Variants in GPN3 observed in about 807,000 individuals in gnomAD.
GPN3 encodes ATP-binding domain 1 family member C.
In GPN3, 31 loss-of-function variants were observed where a neutral mutation model predicts 38.7. That is an observed-to-expected ratio of 0.80 (90% confidence interval 0.60 to 1.08). GPN3 has a LOEUF of 1.08. Ranked by LOEUF, GPN3 falls within the 50% of genes least tolerant of loss-of-function variation. GPN3 has a pLI of 0.00. For synonymous variants in GPN3, 116 were observed against 120.2 expected (o/e 0.96, Z 0.23); for missense variants, 301 against 354.4 (o/e 0.85, Z 1.21).
At chr12:110,465,546 C>T (rs2062621381) in intron 1 of GPN3, among the ~76,000 whole-genome samples, 3 of 152,156 alleles carry the variant, frequency 2.0e-5, no homozygotes. Context: ...TAACACCTAA[C>T]ACAGTGTCTC....
At chr12:110,468,548 T>C, upstream of GPN3, 1 of 1,537,244 alleles carries the variant, frequency 6.5e-7, no homozygotes, top group Non-Finnish European at 8.7e-7. Flanking sequence ...CGTGCAGACG[T>C]TTGACCTGTA....
At chr12:110,456,609 AC>A (rs2062551533) in intron 4 of GPN3, among the ~76,000 whole-genome samples, 1 of 152,006 alleles carries the variant, frequency 6.6e-6, no homozygotes, top group Non-Finnish European at 1.5e-5. Context: ...CATAAACTGG[AC>A]AAAAGGTCCT....
intron 1 of GPN3, 98 bp downstream of exon 1, chr12:110,468,058 T>C (rs1399565592): frequency 1.9e-6 from 3 of 1,554,730 alleles, no homozygotes; most frequent in East Asian, 2.2e-5. Context: ...GGTCTCAGGG[T>C]TCCCAGTACA....
Position 110,465,200 on chromosome 12 carries a change from G to A in GPN3, c.63C>T (p.Ala21=). The part of the protein sequence containing the change: ...PAGSGKSTYC[A]TMVQHCEALN... The stretch of plus-strand genomic sequence containing the variant: ...GGGCTTCACAGTGCTGGACCATGGT[G>A]GCACAGTAGGTGCTCTGTAATGTCA... The change falls in exon 2 of 8, where the codon GCC becomes GCT. Residue 21 remains alanine, a synonymous_variant. Coordinates refer to ENST00000228827, the MANE Select transcript of GPN3 (RefSeq NM_016301.4). 1 of 1,598,776 alleles carries A rather than the reference G, an allele frequency of 6.3e-7. No homozygotes were observed. Among genetic ancestry groups the A allele is most frequent in the Non-Finnish European group, 8.6e-7 (1 of 1,165,990 alleles).
At chr12:110,464,967 C>T (rs2062616864) in intron 2 of GPN3, 139 bp downstream of exon 2, 1 of 662,756 alleles carries the variant, frequency 1.5e-6, no homozygotes, top group African/African-American at 1.8e-5. Context: ...CAGATGTGAC[C>T]AAATGACAAG....
intron 4 of GPN3, 43 bp downstream of exon 4, chr12:110,457,467 A>C: frequency 3.7e-6 from 5 of 1,355,614 alleles, no homozygotes; most frequent in East Asian, 2.8e-5. Flanking sequence ...CAAAAAAAAA[A>C]AAAAAAAAAA....
rs1476827993 is a variant in GPN3 at position 110,465,084 on chromosome 12, G to A, written c.157+22C>T. Reference sequence around the variant, plus strand: ...GCCCTTACTGTTCCTGAAGGTGGGGGGAGCCTTTGCTCAGGACTTACCAGC... The same window carrying A: ...GCCCTTACTGTTCCTGAAGGTGGGGAGAGCCTTTGCTCAGGACTTACCAGC... On this transcript the variant is annotated intron_variant, in intron 2 of 7. Coordinates refer to ENST00000228827, the MANE Select transcript of GPN3 (RefSeq NM_016301.4). 2.4e-6 allele frequency: 3 copies of A among 1,256,298 alleles called. No individual in the cohort carries two copies. In the South Asian group the frequency reaches 3.6e-5, roughly 15 times the overall value. The allele number at this position is 1,256,298 out of a possible 1,614,324, so 77.8% of individuals were successfully genotyped here.
chr12:110,463,235 C>T (rs1027117635), intron 2 of GPN3, among the ~76,000 whole-genome samples: 4 of 151,922 alleles, frequency 2.6e-5, no homozygotes, highest in Admixed American at 1.3e-4. Context: ...GCCTGGAAAT[C>T]GAGACCAGCC....
At position 110,468,236 on chromosome 12, in the gene GPN3, T is replaced by C. The variant is rs774669404; in HGVS notation, c.-33A>G. The C allele has an allele frequency of 1.2e-6, 2 of 1,606,950 alleles. No individual in the cohort carries two copies. The highest frequency in any genetic ancestry group is 1.1e-5 in the South Asian group (1 of 91,060). On this transcript the variant is annotated 5_prime_UTR_variant, in exon 1 of 8. Transcript: ENST00000228827. ...CCCGGAGCCGCCCGCCACACTCCCT[T>C]AGCCTTCGCGCGACGCCCACTGAGC...
intron 1 of GPN3, among the ~76,000 whole-genome samples, chr12:110,466,021 G>A (rs747851767): frequency 1.9e-4 from 29 of 151,456 alleles, no homozygotes; most frequent in Admixed American, 1.8e-3. Flanking sequence ...AGGTCGCAGT[G>A]AGCTGAGATC....
intron 2 of GPN3, 106 bp from the exon 3 acceptor site, chr12:110,459,968 C>T: frequency 1.1e-6 from 1 of 881,072 alleles, no homozygotes; most frequent in Non-Finnish European, 1.8e-6. Context: ...AACCCATATG[C>T]AGGAAATTAT....
At chr12:110,466,892 A>G (rs1422845452) in intron 1 of GPN3, among the ~76,000 whole-genome samples, 3 of 152,030 alleles carry the variant, frequency 2.0e-5, no homozygotes, top group Admixed American at 1.3e-4. Flanking sequence ...TCTTAGTTAC[A>G]TGTACATGTT....
chr12:110,463,606 C>CAAA lies in GPN3; in HGVS notation c.157+1497_157+1499dup, dbSNP rs60072879. On this transcript the variant is annotated intron_variant, in intron 2 of 7. Coordinates refer to ENST00000228827, the MANE Select transcript of GPN3 (RefSeq NM_016301.4). Reference sequence around the variant, plus strand: ...GCAGCATGGTGAAACCCTGTCTCTACAAAAAAAAAAAAAAAAAAAAAAAAA... The same window carrying CAAA: ...GCAGCATGGTGAAACCCTGTCTCTACAAAAAAAAAAAAAAAAAAAAAAAAAAAA... Among the ~76,000 whole-genome samples, 77 of 64,284 alleles carry CAAA rather than the reference C, an allele frequency of 1.2e-3. 3 individuals carry two copies. The highest frequency in any genetic ancestry group is 3.3e-3 in the East Asian group (7 of 2,118). 42.2% of individuals were successfully genotyped at this position (64,284 alleles called of 152,430 possible). A position where few individuals can be genotyped will look rare whatever the true frequency, so the allele number is the denominator to read the frequency against.
At position 110,457,508 on chromosome 12, in the gene GPN3, A is replaced by G. The variant is rs368853297; in HGVS notation, c.450+2T>C. ...AAATCTGTAAGAGATTTAGCTTCAG[A>G]CCTTGAATGACTCCACCATGAACTG... On this transcript the variant is annotated splice_donor_variant, in intron 4 of 7. Transcript: ENST00000228827. LOFTEE classifies it high-confidence loss of function. 2 of 1,535,986 alleles carry G rather than the reference A, an allele frequency of 1.3e-6. No homozygotes were observed. The highest frequency in any genetic ancestry group is 1.8e-6 in the Non-Finnish European group (2 of 1,133,822).
At chr12:110,455,742 T>C in intron 5 of GPN3, 60 bp from the exon 6 acceptor site, 1 of 1,041,858 alleles carries the variant, frequency 9.6e-7, no homozygotes, top group Non-Finnish European at 1.5e-6. Context: ...CAGCCAAACT[T>C]CCCATCTAAA....
chr12:110,468,500 T>G (rs529971357), upstream of GPN3: 154 of 1,537,176 alleles, frequency 1.0e-4, no homozygotes, highest in South Asian at 1.6e-3. Flanking sequence ...CAGATAAAGC[T>G]CCGCATCCTT....
intron 2 of GPN3, among the ~76,000 whole-genome samples, chr12:110,463,399 G>C (rs947268288): frequency 6.9e-6 from 1 of 145,552 alleles, no homozygotes; most frequent in African/African-American, 2.7e-5. Context: ...GCAATGAGCT[G>C]TGATCAGGCT....
chr12:110,468,570 G>A, upstream of GPN3: 2 of 1,537,220 alleles, frequency 1.3e-6, no homozygotes, highest in Non-Finnish European at 1.7e-6. Context: ...GGTGACCCTC[G>A]CGATTTGCAA....
chr12:110,452,941 A>G lies in GPN3; in HGVS notation c.*93T>C. 4 of 752,384 alleles carry G rather than the reference A, an allele frequency of 5.3e-6. No homozygotes were observed. The highest frequency in any genetic ancestry group is 1.9e-5 in the Admixed American group (1 of 52,762). 46.6% of individuals were successfully genotyped at this position (752,384 alleles called of 1,614,324 possible). A position where few individuals can be genotyped will look rare whatever the true frequency, so the allele number is the denominator to read the frequency against. On this transcript the variant is annotated 3_prime_UTR_variant, in exon 8 of 8. Transcript: ENST00000228827. ...CGAAGTTTTACTTTTTTTCATTAAA[A>G]TAAGTAGCTTTCTACTATTGCATCC...
Sources: allele counts gnomAD v4.1 joint callset (sites outside exome capture counted in the v4.1 genomes callset), GRCh38; gene constraint gnomAD v4.1.1; transcripts MANE v1.5; gene names NCBI Gene and HGNC (gene_info 2026-07-23, HGNC 2026-07-21).